Variants in RUFY4 observed in about 807,000 individuals in gnomAD.
RUFY4 encodes RUN and FYVE domain-containing protein 4.
A neutral mutation model predicts 69.0 loss-of-function variants in RUFY4; 73 were observed. The ratio of observed to expected loss-of-function variants is 1.06; its 90% CI spans 0.88 to 1.29. The LOEUF (loss-of-function observed/expected upper bound fraction) is 1.29. Among genes scored for constraint, RUFY4 ranks in the 50% most tolerant of loss-of-function variants. The pLI is 0.00. For synonymous variants in RUFY4, 287 were observed against 271.8 expected, an observed-to-expected ratio of 1.06 and a Z score of -0.55; for missense variants, 770 against 705.6, an observed-to-expected ratio of 1.09 and a Z score of -1.03.
intron 2 of RUFY4, among the ~76,000 whole-genome samples, chr2:218,044,111 C>T (rs1045507583): frequency 1.3e-5 from 2 of 152,162 alleles, no homozygotes; most frequent in East Asian, 3.9e-4. Flanking sequence ...TCAGGGAGGC[C>T]TTCTGGGGCC....
chr2:218,049,021 A>T (rs1273430427), intron 2 of RUFY4, among the ~76,000 whole-genome samples: 1 of 152,202 alleles, frequency 6.6e-6, no homozygotes, highest in Non-Finnish European at 1.5e-5. Context: ...GCATATTTTC[A>T]TGTAATCTTG....
chr2:218,088,059 G>C (rs1022217300), intron 9 of RUFY4, among the ~76,000 whole-genome samples: 1 of 152,158 alleles, frequency 6.6e-6, no homozygotes, highest in African/African-American at 2.4e-5. Flanking sequence ...AAAGACGTCA[G>C]AAATGGTTTG....
intron 2 of RUFY4, among the ~76,000 whole-genome samples, chr2:218,038,310 T>C (rs976366851): frequency 6.4e-5 from 9 of 140,388 alleles, no homozygotes; most frequent in Non-Finnish European, 6.4e-5. Context: ...GAAATGGCCA[T>C]AGTTAAACAT....
At chr2:218,072,634 C>T in intron 3 of RUFY4, 135 bp downstream of exon 5, 2 of 1,361,566 alleles carry the variant, frequency 1.5e-6, no homozygotes, top group Admixed American at 5.0e-5. Context: ...CCCACAGCAC[C>T]CCTCCAGACA....
rs373676741 is a variant in RUFY4, at chr2:218,075,256, G to T, written c.764G>T (p.Ser255Ile). 98 of 1,579,364 alleles carry T rather than the reference G, an allele frequency of 6.2e-5. No homozygotes were observed. The African/African-American group carries it at 1.1e-3, about 17-fold the overall frequency. The change falls in exon 7 of 11, where the codon AGT (serine) becomes ATT (isoleucine). Residue 255 changes from serine (S) to isoleucine (I), a missense_variant. Coordinates refer to ENST00000344321, the Ensembl canonical transcript of RUFY4. ...TTCTTTTTGGAAAAGAAGGGGGAAA[G>T]TTCCAGGAAACATAGGTACCCCCAG... is the stretch of plus-strand genomic sequence containing the variant.
upstream of RUFY4, chr2:218,068,920 G>C (rs1689413297): frequency 6.6e-6 from 1 of 152,362 alleles, no homozygotes. Flanking sequence ...TGACAGAGAC[G>C]AGACAACCAC....
chr2:218,073,809 C>T lies in RUFY4; in HGVS notation c.531-7C>T. ...GCCCAGGGTCCCCCTGCCTCTTTCA[C>T]TTTCAGGTCACGCTGCTCCAGTTCC... is the stretch of plus-strand genomic sequence containing the variant. On this transcript the variant is annotated splice_region_variant and splice_polypyrimidine_tract_variant and intron_variant, in intron 5 of 10. Transcript: ENST00000344321. The T allele has an allele frequency of 6.2e-7, 1 of 1,613,906 alleles. No homozygotes were observed. Among genetic ancestry groups the T allele is most frequent in the South Asian group, 1.1e-5 (1 of 91,036 alleles).
intron 8 of RUFY4, among the ~76,000 whole-genome samples, 188 bp from the exon 11 acceptor site, chr2:218,082,922 T>C (rs1199397411): frequency 2.0e-4 from 1 of 4,910 alleles, no homozygotes; most frequent in African/African-American, 4.8e-4. Context: ...ATGTGTGTAT[T>C]AGGGTGTGTG....
intron 2 of RUFY4, among the ~76,000 whole-genome samples, chr2:218,043,796 C>T (rs1041216660): frequency 2.6e-5 from 4 of 152,230 alleles, no homozygotes; most frequent in Non-Finnish European, 4.4e-5. Context: ...CTCCCAGGAG[C>T]CTGTCTGCCT....
chr2:218,075,410 G>C (rs368265042), exon 7 of RUFY4: 1 of 1,613,088 alleles, frequency 6.2e-7, no homozygotes. Context: ...TGGGCACTCA[G>C]AAGGAGGTGA....
chr2:218,090,035 G>T (rs1463755235), exon 11 of RUFY4: 8 of 1,551,346 alleles, frequency 5.2e-6, no homozygotes, highest in Non-Finnish European at 7.0e-6. Flanking sequence ...GCCCAGGGAA[G>T]AGAAGCCCAG....
chr2:218,044,630 T>C (rs923198663), intron 2 of RUFY4, among the ~76,000 whole-genome samples: 9 of 152,196 alleles, frequency 5.9e-5, no homozygotes, highest in Admixed American at 6.5e-5. Context: ...GTGTGTGTTG[T>C]TCCTCTCTGT....
intron 2 of RUFY4, among the ~76,000 whole-genome samples, chr2:218,038,265 G>GA (rs1009975935): frequency 9.2e-5 from 14 of 151,560 alleles, no homozygotes; most frequent in South Asian, 8.3e-4. Flanking sequence ...AAAAACACCA[G>GA]AAAAAAAAGC....
chr2:218,059,845 G>A (rs1689141884), intron 3 of RUFY4: 1 of 167,064 alleles, frequency 6.0e-6, no homozygotes, highest in African/African-American at 2.4e-5. Context: ...ACTACAAGTG[G>A]AATTGCAGGA....
chr2:218,038,509 T>A (rs945420588), intron 2 of RUFY4, among the ~76,000 whole-genome samples: 6 of 152,180 alleles, frequency 3.9e-5, no homozygotes, highest in Non-Finnish European at 8.8e-5. Context: ...AAAAGTGAAT[T>A]GATTTAAAGA....
At chr2:218,090,299 TGTTAAGA>T in exon 11 of RUFY4, 2 of 344,840 alleles carry the variant, frequency 5.8e-6, no homozygotes, top group South Asian at 4.5e-5. Context: ...TCTTCTCTAA[TGTTAAGA>T]GTTGGGCCCC....
chr2:218,066,185 T>C (rs912975059), upstream of RUFY4, among the ~76,000 whole-genome samples: 5 of 144,790 alleles, frequency 3.5e-5, no homozygotes, highest in Non-Finnish European at 7.6e-5. Flanking sequence ...TTCTTTTTTT[T>C]TTTTTTTTTT....
At chr2:218,072,550 G>C in intron 3 of RUFY4, 51 bp downstream of exon 5, 1 of 1,528,162 alleles carries the variant, frequency 6.5e-7, no homozygotes, top group Non-Finnish European at 8.8e-7. Context: ...GTAGACATAG[G>C]CCTCCTCCTT....
intron 2 of RUFY4, among the ~76,000 whole-genome samples, chr2:218,048,135 T>C (rs1256375959): frequency 2.0e-5 from 3 of 152,230 alleles, no homozygotes; most frequent in African/African-American, 7.2e-5. Context: ...TTATTTTTTG[T>C]CTTTTTTGGT....
Sources: gnomAD v4.1 joint callset for allele counts (sites outside exome capture counted in the v4.1 genomes callset) on GRCh38, gnomAD v4.1.1 for gene constraint, MANE v1.5 for transcripts, NCBI Gene and HGNC (gene_info 2026-07-23, HGNC 2026-07-21) for gene names.